SSUH2: variants seen among roughly 807,000 people sequenced by gnomAD.
SSUH2 encodes ssu-2 homolog, also known as protein SSUH2 homolog.
SSUH2 carries 47 observed loss-of-function variants against 55.3 expected under a neutral mutation model. The observed-to-expected ratio is 0.85, with a 90% confidence interval of 0.67 to 1.08. The LOEUF (loss-of-function observed/expected upper bound fraction) is 1.08, where lower values mean the gene tolerates loss of function less well. Among genes scored for constraint, SSUH2 ranks in the 50% least tolerant of loss-of-function variants. The pLI, the probability that SSUH2 is intolerant of heterozygous loss-of-function variation, is 0.00. For missense variants in SSUH2, 535 were observed against 490.7 expected (o/e 1.09, Z -0.85); for synonymous variants, 212 against 191.5 (o/e 1.11, Z -0.89).
At chr3:8,679,464 G>A (rs1339379179) in intron 2 of SSUH2, among the ~76,000 whole-genome samples, 1 of 116,226 alleles carries the variant, frequency 8.6e-6, no homozygotes, top group Non-Finnish European at 1.9e-5. Flanking sequence ...GCACCCCCCG[G>A]GAGGCGGGGA....
Position 8,619,945 on chromosome 3 carries a change from AGT to A in SSUH2, c.1049_1050del (p.Tyr350LeufsTer6). Reference protein sequence around the residue: ...HYWYQGKTYVYYIYGTDHQVY... With the variant: ...HYWYQGKTYVXYIYGTDHQVY... ...ACCTGGTGGTCAGTGCCATAGATGT[AGT>A]AGACATAAGTCTTTCCTTGGTACCA... On this transcript the variant is annotated frameshift_variant, in exon 12 of 12. Transcript: ENST00000544814. LOFTEE classifies it high-confidence loss of function. The A allele has an allele frequency of 6.2e-7, 1 of 1,614,192 alleles. No homozygotes were observed. Among genetic ancestry groups the A allele is most frequent in the East Asian group, 2.2e-5 (1 of 44,886 alleles).
intron 7 of SSUH2, among the ~76,000 whole-genome samples, chr3:8,651,436 T>C (rs1702394608): frequency 6.6e-6 from 1 of 152,166 alleles, no homozygotes; most frequent in Admixed American, 6.5e-5. Flanking sequence ...TCGTTCAGGC[T>C]CACATGGCAG....
chr3:8,678,452 C>G (rs1182916382), intron 2 of SSUH2, among the ~76,000 whole-genome samples: 1 of 151,944 alleles, frequency 6.6e-6, no homozygotes, highest in Non-Finnish European at 1.5e-5. Context: ...TCCTCTCCGC[C>G]TCTATCCCCC....
chr3:8,644,897 A>G (rs1701472331), upstream of SSUH2: 1 of 744,320 alleles, frequency 1.3e-6, no homozygotes, highest in Non-Finnish European at 2.3e-6. Flanking sequence ...GGAAACATCT[A>G]TATCGTTCAT....
chr3:8,681,023 A>C (rs543155795), intron 1 of SSUH2, among the ~76,000 whole-genome samples: 33 of 147,236 alleles, frequency 2.2e-4, no homozygotes, highest in Admixed American at 2.2e-3. Flanking sequence ...GCAACCTCCA[A>C]GTGGCGGGGA....
chr3:8,631,739 G>A (rs1437795901), intron 5 of SSUH2, among the ~76,000 whole-genome samples: 1 of 152,046 alleles, frequency 6.6e-6, no homozygotes, highest in Non-Finnish European at 1.5e-5. Flanking sequence ...AGGGGGTGTA[G>A]GTGAATGCTT....
intron 7 of SSUH2, among the ~76,000 whole-genome samples, chr3:8,628,349 G>T (rs1281964813): frequency 6.6e-6 from 1 of 152,132 alleles, no homozygotes; most frequent in Non-Finnish European, 1.5e-5. Flanking sequence ...CTCGAATCAG[G>T]ACACCAAAGA....
chr3:8,624,537 G>A (rs76279035), intron 10 of SSUH2, among the ~76,000 whole-genome samples: 2,525 of 152,308 alleles, frequency 0.017, 53 homozygotes, highest in African/African-American at 0.057. Context: ...CCTCCCTATA[G>A]TTTGAGGACC....
At chr3:8,629,787 A>C in intron 6 of SSUH2, 61 bp from the exon 7 acceptor site, 4 of 1,518,636 alleles carry the variant, frequency 2.6e-6, no homozygotes, top group Non-Finnish European at 3.7e-6. Context: ...CCACACCCAT[A>C]ACATCACCAT....
At chr3:8,679,099 T>TC (rs1277205866) in intron 2 of SSUH2, among the ~76,000 whole-genome samples, 2 of 64,184 alleles carry the variant, frequency 3.1e-5, no homozygotes, top group African/African-American at 1.1e-4. Flanking sequence ...AGCACCTCTT[T>TC]CCCCCCTGGC....
At chr3:8,644,679 G>A (rs1356200882) in intron 1 of SSUH2, 52 bp downstream of exon 1, 2 of 1,502,934 alleles carry the variant, frequency 1.3e-6, no homozygotes, top group East Asian at 4.9e-5. Flanking sequence ...TTCAAATGCA[G>A]GCTAAAATAT....
chr3:8,624,216 G>A (rs558319134), intron 10 of SSUH2, among the ~76,000 whole-genome samples: 3 of 151,548 alleles, frequency 2.0e-5, no homozygotes, highest in Non-Finnish European at 3.0e-5. Flanking sequence ...CTCCCCTGGG[G>A]CTCCCTGTTC....
chr3:8,629,572 G>A, intron 7 of SSUH2, 92 bp downstream of exon 7: 2 of 1,102,538 alleles, frequency 1.8e-6, no homozygotes, highest in Non-Finnish European at 2.7e-6. Context: ...GTTACTGCAG[G>A]GAGCCTCAGG....
rs1696913174 is a variant in SSUH2, at chr3:8,623,639, G to A, written c.891C>T (p.Asp297=). ...CAAGAGAGATGTCTCGCAGAGGGAA[G>A]TCCACGATGGGGTACACCTGGGGGA... ...DENSVVYPIV[D]FPLRDISLAS... is the part of the protein sequence containing the mutation. The change falls in exon 11 of 12, where the codon GAC becomes GAT. Residue 297 remains aspartate, a synonymous_variant. Transcript: ENST00000544814. 3.9e-6 allele frequency: 6 copies of A among 1,533,032 alleles called. No individual in the cohort carries two copies. The highest frequency in any genetic ancestry group is 4.4e-6 in the Non-Finnish European group (5 of 1,132,494). The allele number at this position is 1,533,032 out of a possible 1,614,324, so 95.0% of individuals were successfully genotyped here.
At chr3:8,624,478 G>A (rs114151606) in intron 10 of SSUH2, among the ~76,000 whole-genome samples, 1,541 of 152,236 alleles carry the variant, frequency 0.01, 29 homozygotes, top group African/African-American at 0.035. Flanking sequence ...TGCCTGAGGT[G>A]AGCCTTTAAA....
chr3:8,627,419 C>A, intron 8 of SSUH2: 1 of 348,028 alleles, frequency 2.9e-6, no homozygotes, highest in African/African-American at 2.1e-5. Context: ...GGTCTCCTTT[C>A]CTGGTAACCC....
intron 5 of SSUH2, among the ~76,000 whole-genome samples, chr3:8,667,898 G>A (rs80247211): frequency 3.9e-5 from 6 of 152,182 alleles, no homozygotes; most frequent in Non-Finnish European, 8.8e-5. Context: ...ATATCTCAGC[G>A]CATTACACCT....
intron 1 of SSUH2, among the ~76,000 whole-genome samples, chr3:8,681,022 A>G (rs1309895899): frequency 2.4e-4 from 33 of 138,628 alleles, no homozygotes; most frequent in Admixed American, 2.3e-3. Flanking sequence ...GGCAACCTCC[A>G]AGTGGCGGGG....
At chr3:8,631,374 T>C (rs1435280322) in intron 5 of SSUH2, among the ~76,000 whole-genome samples, 1 of 152,132 alleles carries the variant, frequency 6.6e-6, no homozygotes, top group Admixed American at 6.6e-5. Flanking sequence ...ATCTTCTTCC[T>C]CTTGCTCTGT....
Sources: allele counts gnomAD v4.1 joint callset (sites outside exome capture counted in the v4.1 genomes callset), GRCh38; gene constraint gnomAD v4.1.1; transcripts MANE v1.5; gene names NCBI Gene and HGNC (gene_info 2026-07-23, HGNC 2026-07-21).